Variants in KCNIP4 observed in about 807,000 individuals in gnomAD.
The protein encoded by KCNIP4 is Kv channel-interacting protein 4.
Under a neutral mutation model 34.0 loss-of-function variants are expected in KCNIP4, and 12 were observed. The observed-to-expected ratio is 0.35, with a 90% confidence interval of 0.23 to 0.57. The LOEUF is 0.57. Ranked by LOEUF, KCNIP4 falls within the 20% of genes least tolerant of loss-of-function variation. The pLI, the probability that KCNIP4 is intolerant of heterozygous loss-of-function variation, is 0.83. For missense variants in KCNIP4, 238 were observed against 311.7 expected, an observed-to-expected ratio of 0.76 and a Z score of 1.78; for synonymous variants, 124 against 102.2, an observed-to-expected ratio of 1.21 and a Z score of -1.29.
intron 3 of KCNIP4, among the ~76,000 whole-genome samples, chr4:20,777,713 G>A (rs1365758102): frequency 6.6e-6 from 1 of 152,160 alleles, no homozygotes; most frequent in Non-Finnish European, 1.5e-5. Context: ...GAGAAAAAGT[G>A]GAGGTTGTAG....
chr4:21,123,100 G>A (rs1413386001), intron 1 of KCNIP4, among the ~76,000 whole-genome samples: 1 of 152,044 alleles, frequency 6.6e-6, no homozygotes, highest in Non-Finnish European at 1.5e-5. Flanking sequence ...TGTAGTCCCA[G>A]CTACTTGGGA....
chr4:21,471,106 T>G (rs1213800324), intron 1 of KCNIP4, among the ~76,000 whole-genome samples: 1 of 152,190 alleles, frequency 6.6e-6, no homozygotes, highest in Non-Finnish European at 1.5e-5. Flanking sequence ...TGCAGGAGAT[T>G]GTGGTGCATG....
chr4:20,773,349 G>C (rs1004546562), intron 3 of KCNIP4, among the ~76,000 whole-genome samples: 1 of 152,146 alleles, frequency 6.6e-6, no homozygotes, highest in South Asian at 2.1e-4. Flanking sequence ...AATTATCAAG[G>C]GTCACGGTAG....
chr4:20,806,791 G>C (rs913046992), intron 3 of KCNIP4, among the ~76,000 whole-genome samples: 24 of 152,236 alleles, frequency 1.6e-4, no homozygotes, highest in African/African-American at 5.5e-4. Flanking sequence ...TGGTGAGTTA[G>C]TGTTTCCAAT....
intron 2 of KCNIP4, 119 bp from the exon 3 acceptor site, chr4:20,850,786 A>C (rs1720934800): frequency 8.3e-7 from 1 of 1,210,980 alleles, no homozygotes; most frequent in African/African-American, 1.5e-5. Context: ...CCACAGAGGA[A>C]GGACCCTCAC....
At chr4:21,221,852 A>G (rs548213605) in intron 1 of KCNIP4, among the ~76,000 whole-genome samples, 1 of 152,366 alleles carries the variant, frequency 6.6e-6, no homozygotes, top group South Asian at 2.1e-4. Flanking sequence ...AGGCAGCCCC[A>G]TGAATAAAAT....
chr4:21,938,339 T>C (rs534816105), intron 1 of KCNIP4, among the ~76,000 whole-genome samples: 69 of 152,266 alleles, frequency 4.5e-4, no homozygotes, highest in African/African-American at 1.6e-3. Context: ...TTCTTTTCCA[T>C]GGGATATTTT....
chr4:21,791,266 G>A (rs1326783592), intron 1 of KCNIP4, among the ~76,000 whole-genome samples: 1 of 152,082 alleles, frequency 6.6e-6, no homozygotes, highest in Admixed American at 6.6e-5. Context: ...TTTTGTGTGT[G>A]TGAGGGCATT....
intron 1 of KCNIP4, among the ~76,000 whole-genome samples, chr4:21,122,856 A>C (rs1028060295): frequency 6.6e-6 from 1 of 152,136 alleles, no homozygotes; most frequent in Non-Finnish European, 1.5e-5. Flanking sequence ...GAGATGGGGA[A>C]GTTTCTGTCA....
chr4:21,749,933 T>G (rs570413365), intron 1 of KCNIP4, among the ~76,000 whole-genome samples: 25 of 152,322 alleles, frequency 1.6e-4, no homozygotes, highest in African/African-American at 5.5e-4. Flanking sequence ...TATACAGTAG[T>G]TACCACTTAT....
At position 21,290,466 on chromosome 4, in the gene KCNIP4, C is replaced by T. The variant is rs544653704; in HGVS notation, c.62-407757G>A. ...TGTTCAAAGAAGAAATGAAAAATGT[C>T]ACTGTGTGTATATACCAACCTCCCG... is the stretch of plus-strand genomic sequence containing the variant. On this transcript the variant is annotated intron_variant, in intron 1 of 8. Coordinates refer to ENST00000382152, the MANE Select transcript of KCNIP4 (RefSeq NM_025221.6). Among the ~76,000 whole-genome samples, 5 of 152,260 alleles carry T rather than the reference C, an allele frequency of 3.3e-5. No individual in the cohort carries two copies. In the South Asian group the frequency reaches 1.0e-3, roughly 32 times the overall value.
At chr4:21,045,150 AGT>A (rs1182222869) in intron 1 of KCNIP4, among the ~76,000 whole-genome samples, 13 of 152,330 alleles carry the variant, frequency 8.5e-5, no homozygotes, top group Admixed American at 8.5e-4. Flanking sequence ...AGAGATCTAT[AGT>A]GTGTCCTACA....
At chr4:21,260,163 A>G (rs1323912382) in intron 1 of KCNIP4, among the ~76,000 whole-genome samples, 2 of 147,914 alleles carry the variant, frequency 1.4e-5, no homozygotes, top group African/African-American at 4.9e-5. Context: ...TGGTCTTTCT[A>G]TTTAGGAAAG....
intron 1 of KCNIP4, among the ~76,000 whole-genome samples, chr4:21,745,034 G>T (rs998800253): frequency 6.6e-6 from 1 of 152,148 alleles, no homozygotes; most frequent in African/African-American, 2.4e-5. Context: ...ACAAAAAACA[G>T]TGCCTTGCAG....
chr4:21,061,475 A>G (rs1032319919), intron 1 of KCNIP4, among the ~76,000 whole-genome samples: 2 of 152,100 alleles, frequency 1.3e-5, no homozygotes, highest in Non-Finnish European at 2.9e-5. Flanking sequence ...GGGTCAGGCA[A>G]ATTGAAAGCA....
At chr4:21,023,997 C>T (rs767533465) in intron 1 of KCNIP4, among the ~76,000 whole-genome samples, 34 of 152,300 alleles carry the variant, frequency 2.2e-4, no homozygotes, top group Non-Finnish European at 3.4e-4. Flanking sequence ...AATTGGAACC[C>T]TCATACACTG....
At chr4:21,020,108 C>T (rs1054584651) in intron 1 of KCNIP4, among the ~76,000 whole-genome samples, 1 of 152,146 alleles carries the variant, frequency 6.6e-6, no homozygotes. Context: ...AACACATGGT[C>T]ACATTATACA....
chr4:20,794,632 TA>T (rs1384260304), intron 3 of KCNIP4, among the ~76,000 whole-genome samples: 1 of 152,200 alleles, frequency 6.6e-6, no homozygotes, highest in Non-Finnish European at 1.5e-5. Context: ...TGAATAACTC[TA>T]AGATGGATGG....
intron 1 of KCNIP4, among the ~76,000 whole-genome samples, chr4:21,399,860 C>T (rs1046465141): frequency 6.6e-6 from 1 of 152,112 alleles, no homozygotes; most frequent in Non-Finnish European, 1.5e-5. Flanking sequence ...CAAGCTATTT[C>T]TAGACGTGGA....
Sources: gnomAD v4.1 joint callset for allele counts (sites outside exome capture counted in the v4.1 genomes callset) on GRCh38, gnomAD v4.1.1 for gene constraint, MANE v1.5 for transcripts, NCBI Gene and HGNC (gene_info 2026-07-23, HGNC 2026-07-21) for gene names.